Variants in ADGRL2 observed in about 807,000 individuals in gnomAD.
ADGRL2 encodes the protein calcium-independent alpha-latrotoxin receptor 2.
Under a neutral mutation model 157.4 loss-of-function variants are expected in ADGRL2, and 44 were observed. That is an observed-to-expected ratio of 0.28 (90% CI 0.22 to 0.36). ADGRL2 has a LOEUF of 0.36. Ranked by LOEUF, ADGRL2 falls within the 10% of genes least tolerant of loss-of-function variation. The pLI is 1.00. For synonymous variants in ADGRL2, 585 were observed against 624.7 expected (o/e 0.94, Z 0.95); for missense variants, 1,510 against 1,768.9 (o/e 0.85, Z 2.63).
intron 2 of ADGRL2, among the ~76,000 whole-genome samples, chr1:81,517,545 C>T (rs1248428091): frequency 6.8e-6 from 1 of 147,968 alleles, no homozygotes; most frequent in East Asian, 2.0e-4. Flanking sequence ...CAGCTACCAA[C>T]ATATGGCTGC....
chr1:81,516,653 G>A (rs2079185029), intron 2 of ADGRL2, among the ~76,000 whole-genome samples: 1 of 152,208 alleles, frequency 6.6e-6, no homozygotes, highest in East Asian at 1.9e-4. Flanking sequence ...ATTCGGGAAC[G>A]TAATCATGTG....
chr1:81,884,120 G>T lies in ADGRL2; in HGVS notation c.74-22897G>T, dbSNP rs1189748647. On this transcript the variant is annotated intron_variant, in intron 2 of 23. Transcript: ENST00000686636. ...CCCCCCTCAGCCCCCAGAATAGCCGGGACTTTAGGCATGTGCGACAACTCC... is the reference window on the plus strand; with the variant it reads ...CCCCCCTCAGCCCCCAGAATAGCCGTGACTTTAGGCATGTGCGACAACTCC... Among the ~76,000 whole-genome samples the T allele has an allele frequency of 2.0e-5, 3 of 151,874 alleles. No homozygotes were observed. The East Asian group carries it at 5.8e-4, about 29-fold the overall frequency.
chr1:81,781,724 T>C (rs901977613), intron 2 of ADGRL2, among the ~76,000 whole-genome samples: 1 of 152,208 alleles, frequency 6.6e-6, no homozygotes, highest in Non-Finnish European at 1.5e-5. Context: ...TGCATGCAGA[T>C]AAAGCATATC....
At chr1:81,495,119 C>G (rs913337335) in intron 2 of ADGRL2, among the ~76,000 whole-genome samples, 1 of 152,116 alleles carries the variant, frequency 6.6e-6, no homozygotes, top group South Asian at 2.1e-4. Flanking sequence ...CTCCTGTTCT[C>G]CCTTTCTGAT....
intron 4 of ADGRL2, among the ~76,000 whole-genome samples, chr1:81,940,199 A>C (rs1647364976): frequency 6.6e-6 from 1 of 151,482 alleles, no homozygotes; most frequent in Admixed American, 6.6e-5. Context: ...AAAATGTATT[A>C]TTTCCATCCT....
At chr1:81,911,842 G>T (rs1572077602) in intron 3 of ADGRL2, among the ~76,000 whole-genome samples, 1 of 150,952 alleles carries the variant, frequency 6.6e-6, no homozygotes, top group South Asian at 2.1e-4. Flanking sequence ...TTGTAGTAAG[G>T]TGTATTTTGT....
chr1:81,528,503 C>T (rs2079520002), intron 2 of ADGRL2, among the ~76,000 whole-genome samples: 2 of 151,932 alleles, frequency 1.3e-5, no homozygotes, highest in South Asian at 2.1e-4. Flanking sequence ...AAAAATTAGC[C>T]GGGCGCTGTG....
rs869309464 is a variant in ADGRL2, at chr1:81,581,874, G to GCACACACA, written c.-143+924_-143+931dup. Among the ~76,000 whole-genome samples, 740 of 83,542 alleles carry GCACACACA rather than the reference G, an allele frequency of 8.9e-3. 3 individuals are homozygous for GCACACACA. The highest frequency in any genetic ancestry group is 0.022 in the East Asian group (44 of 2,026). 54.8% of individuals were successfully genotyped at this position (83,542 alleles called of 152,430 possible). ...ACCTCCCACCACCACACACATGCGC[G>GCACACACA]CACACACACACACACACACACACAC... On this transcript the variant is annotated intron_variant, in intron 3 of 24. Transcript: ENST00000370721.
At chr1:81,974,738 A>G (rs1659680589) in intron 17 of ADGRL2, among the ~76,000 whole-genome samples, 1 of 151,504 alleles carries the variant, frequency 6.6e-6, no homozygotes, top group African/African-American at 2.4e-5. Flanking sequence ...TGATGACCAT[A>G]AAACAAACTG....
At chr1:81,489,797 G>A (rs2078590938) in intron 2 of ADGRL2, among the ~76,000 whole-genome samples, 1 of 152,188 alleles carries the variant, frequency 6.6e-6, no homozygotes. Flanking sequence ...CCCAACAGCA[G>A]TGGGCCAATA....
intron 2 of ADGRL2, among the ~76,000 whole-genome samples, chr1:81,463,018 G>T (rs1388263283): frequency 6.6e-6 from 1 of 150,710 alleles, no homozygotes; most frequent in Non-Finnish European, 1.5e-5. Flanking sequence ...AGAAGGCTGA[G>T]GCAGGAAGAT....
chr1:81,528,112 T>G (rs2079508937), intron 2 of ADGRL2, among the ~76,000 whole-genome samples: 1 of 152,070 alleles, frequency 6.6e-6, no homozygotes, highest in Non-Finnish European at 1.5e-5. Context: ...AAGTACAGAG[T>G]GAACCCTTAC....
chr1:81,845,801 A>G (rs1350002999), intron 2 of ADGRL2, among the ~76,000 whole-genome samples: 1 of 151,918 alleles, frequency 6.6e-6, no homozygotes, highest in Non-Finnish European at 1.5e-5. Flanking sequence ...TTCAAATAGA[A>G]GAGAGAAATT....
At chr1:81,860,928 AG>A (rs1196455608) in intron 2 of ADGRL2, among the ~76,000 whole-genome samples, 2 of 151,960 alleles carry the variant, frequency 1.3e-5, no homozygotes, top group Admixed American at 1.3e-4. Flanking sequence ...TTAAGTATGC[AG>A]TTGTCCAATT....
chr1:81,924,254 G>A (rs994445440), intron 3 of ADGRL2, among the ~76,000 whole-genome samples: 2 of 152,144 alleles, frequency 1.3e-5, no homozygotes, highest in African/African-American at 4.8e-5. Flanking sequence ...TAGAAGCATA[G>A]TATCCTAAGC....
intron 1 of ADGRL2, among the ~76,000 whole-genome samples, chr1:81,366,155 A>C (rs1407898527): frequency 6.6e-6 from 1 of 152,108 alleles, no homozygotes; most frequent in Non-Finnish European, 1.5e-5. Context: ...TTCAGTGATG[A>C]ATTTCTGTTT....
intron 1 of ADGRL2, chr1:81,426,685 G>A: frequency 2.1e-6 from 1 of 471,552 alleles, no homozygotes; most frequent in South Asian, 1.6e-5. Flanking sequence ...GTTCCAGGGG[G>A]TTTGGTTTTG....
rs777411293 is a variant in ADGRL2, at chr1:81,837,020, G to T, written c.36G>T (p.Trp12Cys). Residue 12 changes from tryptophan (W) to cysteine (C), a missense_variant, in exon 2 of 24, where the codon TGG becomes TGT. Physicochemically the swap from Trp to Cys is radical, Grantham distance 215 (BLOSUM62 -2). This residue lies in a region of ADGRL2 where 361 missense variants were observed against 498.4 expected (regional missense o/e 0.72). Transcript: ENST00000686636. ...CTGGTTGCAGAATGCGAAGTCTGTGGTTTATCATTGTAATCAGCTTCTTAC... is the reference window on the plus strand; with the variant it reads ...CTGGTTGCAGAATGCGAAGTCTGTGTTTTATCATTGTAATCAGCTTCTTAC... ...VSSGCRMRSL[W>C]FIIVISFLPN... The T allele has an allele frequency of 1.3e-6, 2 of 1,593,786 alleles. No individual in the cohort carries two copies. Among genetic ancestry groups the T allele is most frequent in the Non-Finnish European group, 1.7e-6 (2 of 1,171,722 alleles).
At chr1:81,368,432 C>T (rs1045469205) in intron 1 of ADGRL2, among the ~76,000 whole-genome samples, 2 of 152,182 alleles carry the variant, frequency 1.3e-5, no homozygotes, top group African/African-American at 2.4e-5. Context: ...TAACGTCTTT[C>T]AAAAGTGTTA....
Sources: allele counts gnomAD v4.1 joint callset (sites outside exome capture counted in the v4.1 genomes callset), GRCh38; gene constraint gnomAD v4.1.1; regional missense constraint gnomAD v4.1.1; transcripts MANE v1.5; gene names NCBI Gene and HGNC (gene_info 2026-07-23, HGNC 2026-07-21).